Variants in ROBO1 observed in about 807,000 individuals in gnomAD.
ROBO1 encodes the protein roundabout guidance receptor 1.
ROBO1 carries 149 observed loss-of-function variants against 195.9 expected under a neutral mutation model. That is an observed-to-expected ratio of 0.76 (90% CI 0.67 to 0.87). The LOEUF (loss-of-function observed/expected upper bound fraction) is 0.87, where lower values mean the gene tolerates loss of function less well. Among genes scored for constraint, ROBO1 ranks in the 40% least tolerant of loss-of-function variants. The pLI is 0.00. For missense variants in ROBO1, 1,933 were observed against 2,068.3 expected (o/e 0.93, Z 1.27); for synonymous variants, 816 against 733.2 (o/e 1.11, Z -1.82).
At chr3:79,349,237 G>T (rs1460350614) in intron 2 of ROBO1, among the ~76,000 whole-genome samples, 2 of 152,118 alleles carry the variant, frequency 1.3e-5, no homozygotes, top group East Asian at 1.9e-4. Context: ...TGAAGTAAAT[G>T]CTTCCTTAGG....
At chr3:79,204,323 C>A (rs935119349) in intron 2 of ROBO1, among the ~76,000 whole-genome samples, 1 of 151,830 alleles carries the variant, frequency 6.6e-6, no homozygotes, top group African/African-American at 2.4e-5. Context: ...TTTCTTTTAT[C>A]TAACTGTACA....
intron 14 of ROBO1, among the ~76,000 whole-genome samples, chr3:78,664,506 A>C (rs1334011233): frequency 1.3e-5 from 2 of 152,180 alleles, no homozygotes; most frequent in Non-Finnish European, 2.9e-5. Flanking sequence ...CCAGGTGCTC[A>C]TCTCATCTTC....
intron 1 of ROBO1, among the ~76,000 whole-genome samples, chr3:79,678,689 A>G (rs1346969419): frequency 1.3e-5 from 2 of 152,092 alleles, no homozygotes; most frequent in Admixed American, 6.6e-5. Flanking sequence ...TAGTAGTTTG[A>G]TAATGTTACA....
At chr3:79,752,465 A>G (rs1241136332) in intron 1 of ROBO1, among the ~76,000 whole-genome samples, 3 of 152,152 alleles carry the variant, frequency 2.0e-5, no homozygotes, top group Non-Finnish European at 4.4e-5. Context: ...AAAATGGAAC[A>G]TAGTGGTGCC....
intron 1 of ROBO1, among the ~76,000 whole-genome samples, chr3:79,757,212 T>C (rs1035327128): frequency 3.3e-5 from 5 of 152,298 alleles, no homozygotes; most frequent in African/African-American, 1.2e-4. Context: ...AATAATTATG[T>C]TTAATTTTTT....
intron 2 of ROBO1, among the ~76,000 whole-genome samples, chr3:79,555,434 G>A (rs1459540427): frequency 6.6e-6 from 1 of 152,136 alleles, no homozygotes; most frequent in Non-Finnish European, 1.5e-5. Context: ...CGTAGATCAT[G>A]TTAGCTGGTA....
At chr3:79,558,263 CCTT>C (rs1331630010) in intron 2 of ROBO1, among the ~76,000 whole-genome samples, 1 of 152,126 alleles carries the variant, frequency 6.6e-6, no homozygotes, top group African/African-American at 2.4e-5. Flanking sequence ...GCAAGACCAA[CCTT>C]CTTCTTCCGC....
intron 4 of ROBO1, among the ~76,000 whole-genome samples, chr3:78,840,974 G>C (rs574215800): frequency 6.6e-6 from 1 of 151,334 alleles, no homozygotes; most frequent in African/African-American, 2.4e-5. Flanking sequence ...AGGCAGGAGA[G>C]TGGCGTAAAC....
chr3:79,129,378 G>A (rs1429482610), intron 2 of ROBO1, among the ~76,000 whole-genome samples: 2 of 151,780 alleles, frequency 1.3e-5, no homozygotes, highest in Non-Finnish European at 2.9e-5. Flanking sequence ...CAATATATAA[G>A]GTTATATGTG....
chr3:79,541,829 G>GTGTA (rs1347607972), intron 2 of ROBO1, among the ~76,000 whole-genome samples: 2 of 57,934 alleles, frequency 3.5e-5, no homozygotes, highest in Non-Finnish European at 8.0e-5. Flanking sequence ...GTGTGTGTGT[G>GTGTA]TATATATATA....
chr3:78,670,801 A>ATT (rs1216456615), intron 10 of ROBO1, among the ~76,000 whole-genome samples: 3 of 152,236 alleles, frequency 2.0e-5, no homozygotes, highest in Non-Finnish European at 4.4e-5. Context: ...GGATCCAAAA[A>ATT]AGTGCATTGG....
chr3:79,748,060 C>T (rs990560423), intron 1 of ROBO1, among the ~76,000 whole-genome samples: 1 of 151,964 alleles, frequency 6.6e-6, no homozygotes, highest in Admixed American at 6.6e-5. Context: ...AATACTACTG[C>T]AGATTTTGTT....
At chr3:78,671,059 G>A (rs374137980) in intron 10 of ROBO1, among the ~76,000 whole-genome samples, 35 of 152,104 alleles carry the variant, frequency 2.3e-4, no homozygotes, top group East Asian at 5.8e-4. Context: ...TGCTAACTCC[G>A]TTACCTTAGA....
intron 1 of ROBO1, among the ~76,000 whole-genome samples, chr3:79,743,887 C>T (rs868363570): frequency 4.6e-5 from 7 of 152,160 alleles, no homozygotes; most frequent in African/African-American, 9.7e-5. Flanking sequence ...ACGGAGCCGT[C>T]GTCTCTACGG....
intron 2 of ROBO1, among the ~76,000 whole-genome samples, chr3:79,584,615 G>T (rs1165626461): frequency 1.6e-5 from 2 of 127,894 alleles, no homozygotes; most frequent in Non-Finnish European, 3.2e-5. Context: ...GGGTGAGTGT[G>T]TGTGTGTGTG....
chr3:78,727,991 A>G (rs1002407173), intron 5 of ROBO1, among the ~76,000 whole-genome samples: 1 of 152,170 alleles, frequency 6.6e-6, no homozygotes, highest in Non-Finnish European at 1.5e-5. Context: ...ATATTTAAAT[A>G]TCAAAGCAAA....
intron 2 of ROBO1, among the ~76,000 whole-genome samples, chr3:79,531,264 T>C (rs1941649710): frequency 6.6e-6 from 1 of 152,192 alleles, no homozygotes; most frequent in South Asian, 2.1e-4. Context: ...GAGCACCTAC[T>C]AATTTATATT....
chr3:79,586,216 G>A (rs1943825751), intron 2 of ROBO1, among the ~76,000 whole-genome samples: 1 of 151,830 alleles, frequency 6.6e-6, no homozygotes, highest in African/African-American at 2.4e-5. Flanking sequence ...GAAATACATG[G>A]GGGTTGTATG....
At chr3:78,700,185 G>A (rs111928670) in intron 8 of ROBO1, among the ~76,000 whole-genome samples, 1,751 of 152,250 alleles carry the variant, frequency 0.012, 13 homozygotes, top group Non-Finnish European at 0.017. Context: ...TAGCCCAGTT[G>A]AAAGCACTTA....
Sources: gnomAD v4.1 joint callset for allele counts (sites outside exome capture counted in the v4.1 genomes callset) on GRCh38, gnomAD v4.1.1 for gene constraint, MANE v1.5 for transcripts, NCBI Gene and HGNC (gene_info 2026-07-23, HGNC 2026-07-21) for gene names.